The following SKAP1 variants were observed in gnomAD, a reference collection of about 807,000 sequenced individuals.
SKAP1 encodes the protein src kinase-associated phosphoprotein 1.
A neutral mutation model predicts 58.5 loss-of-function variants in SKAP1; 44 were observed. The observed-to-expected ratio is 0.75, with a 90% CI of 0.59 to 0.97. The LOEUF (loss-of-function observed/expected upper bound fraction) is 0.97. Ranked by LOEUF, SKAP1 falls within the 50% of genes least tolerant of loss-of-function variation. The pLI, the probability that SKAP1 is intolerant of heterozygous loss-of-function variation, is 0.00. For missense variants in SKAP1, 390 were observed against 435.2 expected, an observed-to-expected ratio of 0.90 and a Z score of 0.92; for synonymous variants, 127 against 149.7, an observed-to-expected ratio of 0.85 and a Z score of 1.11.
intron 1 of SKAP1, among the ~76,000 whole-genome samples, chr17:48,416,634 T>C (rs889522420): frequency 6.6e-6 from 1 of 152,202 alleles, no homozygotes; most frequent in Admixed American, 6.5e-5. Flanking sequence ...AAAACCATAT[T>C]TCATTCTAGG....
intron 4 of SKAP1, among the ~76,000 whole-genome samples, chr17:48,192,754 C>T (rs1274214540): frequency 1.3e-5 from 2 of 152,084 alleles, no homozygotes; most frequent in African/African-American, 2.4e-5. Context: ...TGAGGTTTTT[C>T]TCTCCCCACC....
chr17:48,297,557 C>A (rs962445648), intron 4 of SKAP1, among the ~76,000 whole-genome samples: 2 of 152,098 alleles, frequency 1.3e-5, no homozygotes, highest in African/African-American at 4.8e-5. Context: ...GACCTACCAC[C>A]CTTTTAGGGT....
chr17:48,249,925 T>C (rs922632901), intron 4 of SKAP1, among the ~76,000 whole-genome samples: 24 of 151,854 alleles, frequency 1.6e-4, no homozygotes, highest in African/African-American at 5.8e-4. Flanking sequence ...CTGTTACAGC[T>C]CAGAAGGGTA....
At chr17:48,205,020 T>TC (rs2064788632) in intron 4 of SKAP1, among the ~76,000 whole-genome samples, 1 of 31,862 alleles carries the variant, frequency 3.1e-5, no homozygotes, top group African/African-American at 1.3e-4. Context: ...TTTCTTTTTC[T>TC]TTCTTTCTTT....
At position 48,430,035 on chromosome 17, in the gene SKAP1, TTCGGCTCAGCACTGGAGGGG is replaced by T; in HGVS notation, c.46+20_46+39del. The stretch of plus-strand genomic sequence containing the variant: ...GGAGGCCTGGTGTCCCCTTTCGGCC[TTCGGCTCAGCACTGGAGGGG>T]GCCTGCGCCAGGGCGTTACCTTCCA... On this transcript the variant is annotated intron_variant, in intron 1 of 12. Transcript: ENST00000336915. The T allele has an allele frequency of 4.0e-6, 5 of 1,260,552 alleles. No homozygotes were observed. The highest frequency in any genetic ancestry group is 5.0e-6 in the Non-Finnish European group (5 of 995,590). 78.1% of individuals were successfully genotyped at this position (1,260,552 alleles called of 1,614,324 possible). A position where few individuals can be genotyped will look rare whatever the true frequency, so the allele number is the denominator to read the frequency against.
At chr17:48,148,810 C>T (rs142958662) in intron 11 of SKAP1, among the ~76,000 whole-genome samples, 5 of 152,028 alleles carry the variant, frequency 3.3e-5, no homozygotes, top group Non-Finnish European at 7.4e-5. Context: ...GTCTTTTCTG[C>T]TTCCTTTAAA....
At chr17:48,142,914 G>T (rs772963937) in intron 11 of SKAP1, among the ~76,000 whole-genome samples, 1 of 151,292 alleles carries the variant, frequency 6.6e-6, no homozygotes, top group East Asian at 2.0e-4. Flanking sequence ...TGATCCTCCC[G>T]CTTCAGCCTC....
chr17:48,213,201 G>C (rs546500980), intron 4 of SKAP1, among the ~76,000 whole-genome samples: 1 of 152,184 alleles, frequency 6.6e-6, no homozygotes, highest in African/African-American at 2.4e-5. Context: ...AATTAGCCGG[G>C]TGTGGTGGCA....
At chr17:48,193,955 C>T (rs1365753886) in intron 4 of SKAP1, among the ~76,000 whole-genome samples, 1 of 151,772 alleles carries the variant, frequency 6.6e-6, no homozygotes, top group Admixed American at 6.6e-5. Flanking sequence ...TTATTCATTA[C>T]CTGAGAAAAG....
chr17:48,243,957 A>G (rs2065268239), intron 4 of SKAP1, among the ~76,000 whole-genome samples: 1 of 152,226 alleles, frequency 6.6e-6, no homozygotes. Flanking sequence ...AGAAAAAGAA[A>G]GAAAAAAGTT....
chr17:48,157,939 A>G (rs2064002792), intron 11 of SKAP1, among the ~76,000 whole-genome samples: 1 of 150,916 alleles, frequency 6.6e-6, no homozygotes, highest in African/African-American at 2.4e-5. Flanking sequence ...ACACTTTAGG[A>G]GGCCGAGGTG....
chr17:48,289,997 T>C (rs1045974104), intron 4 of SKAP1, among the ~76,000 whole-genome samples: 2 of 152,152 alleles, frequency 1.3e-5, no homozygotes, highest in Non-Finnish European at 2.9e-5. Context: ...AATAGTACCC[T>C]GAAGTGGGTG....
chr17:48,233,275 T>C (rs1164215331), intron 4 of SKAP1, among the ~76,000 whole-genome samples: 1 of 152,214 alleles, frequency 6.6e-6, no homozygotes, highest in Non-Finnish European at 1.5e-5. Context: ...TAAATGGGGC[T>C]ACTTTGCAAT....
At chr17:48,414,178 A>C (rs2067703767) in intron 1 of SKAP1, among the ~76,000 whole-genome samples, 1 of 152,236 alleles carries the variant, frequency 6.6e-6, no homozygotes, top group Non-Finnish European at 1.5e-5. Flanking sequence ...TGTGACAACA[A>C]AGGAAGTTAT....
intron 11 of SKAP1, chr17:48,156,384 C>T (rs368826774): frequency 1.2e-5 from 4 of 323,702 alleles, no homozygotes; most frequent in African/African-American, 2.2e-5. Flanking sequence ...AAGTAATTTA[C>T]GAGTCGCAGG....
intron 11 of SKAP1, among the ~76,000 whole-genome samples, chr17:48,158,567 C>CAAAAAAAAAAAAA (rs1171183021): frequency 4.9e-5 from 3 of 61,496 alleles, no homozygotes; most frequent in Non-Finnish European, 8.3e-5. Context: ...GACTCTGTCT[C>CAAAAAAAAAAAAA]AAAAAAAAAA....
At chr17:48,435,312 T>C in the SKAP1 span, among the ~76,000 whole-genome samples, 1 of 152,164 alleles carries the variant, frequency 6.6e-6, no homozygotes, top group Non-Finnish European at 1.5e-5. Flanking sequence ...GCAGAGGACC[T>C]GAAGACCAAA....
In SKAP1 at chr17:48,200,046, T is replaced by A. The variant is rs1034322128; in HGVS notation, c.281-10546A>T. ...GGCTTATGCCTGTAATCTCAGCACT[T>A]TGGGAGGCCGAGGTGGGCAGATCAC... On this transcript the variant is annotated intron_variant, in intron 4 of 12. Transcript: ENST00000336915. Among the ~76,000 whole-genome samples the A allele has an allele frequency of 2.0e-5, 3 of 151,968 alleles. No individual in the cohort carries two copies. The South Asian group carries it at 6.3e-4, about 32-fold the overall frequency.
chr17:48,292,132 C>CAA (rs67360130), intron 4 of SKAP1, among the ~76,000 whole-genome samples: 19,566 of 121,200 alleles, frequency 0.16, 1,530 homozygotes, highest in Non-Finnish European at 0.21. Flanking sequence ...TTAGCCTATT[C>CAA]AAAAAAAAAA....
Sources: allele counts gnomAD v4.1 joint callset (sites outside exome capture counted in the v4.1 genomes callset), GRCh38; gene constraint gnomAD v4.1.1; transcripts MANE v1.5; gene names NCBI Gene and HGNC (gene_info 2026-07-23, HGNC 2026-07-21).